DYNC1I1: variants seen among roughly 807,000 people sequenced by gnomAD.
DYNC1I1 encodes dynein cytoplasmic 1 intermediate chain 1.
DYNC1I1 carries 43 observed loss-of-function variants against 86.6 expected under a neutral mutation model. That is an observed-to-expected ratio of 0.50 (90% CI 0.39 to 0.64). The LOEUF (loss-of-function observed/expected upper bound fraction) is 0.64, where lower values mean the gene tolerates loss of function less well. Ranked by LOEUF, DYNC1I1 falls within the 30% of genes least tolerant of loss-of-function variation. The pLI is 0.00. For synonymous variants in DYNC1I1, 262 were observed against 283.7 expected (o/e 0.92, Z 0.77); for missense variants, 604 against 788.8 (o/e 0.77, Z 2.81).
At chr7:95,937,432 C>T (rs1355878480) in intron 6 of DYNC1I1, among the ~76,000 whole-genome samples, 3 of 151,270 alleles carry the variant, frequency 2.0e-5, no homozygotes, top group Non-Finnish European at 2.9e-5. Context: ...CATTGTATAC[C>T]TCAAATATGT....
chr7:95,958,497 G>C (rs750280119), intron 6 of DYNC1I1, among the ~76,000 whole-genome samples: 1 of 152,000 alleles, frequency 6.6e-6, no homozygotes, highest in African/African-American at 2.4e-5. Flanking sequence ...GGAGATCAAG[G>C]CTGCAGTGAG....
intron 9 of DYNC1I1, among the ~76,000 whole-genome samples, chr7:95,991,052 A>C (rs940603739): frequency 1.3e-5 from 2 of 151,974 alleles, no homozygotes; most frequent in Non-Finnish European, 2.9e-5. Context: ...AATAAAATAA[A>C]ATAAAATAAA....
chr7:95,956,973 T>G (rs1057107862), intron 6 of DYNC1I1, among the ~76,000 whole-genome samples: 2 of 152,236 alleles, frequency 1.3e-5, no homozygotes, highest in East Asian at 3.8e-4. Flanking sequence ...ATCATTATTT[T>G]GCTTCATCTG....
chr7:96,028,827 G>T (rs1237819860), intron 11 of DYNC1I1, among the ~76,000 whole-genome samples: 2 of 152,074 alleles, frequency 1.3e-5, no homozygotes, highest in Non-Finnish European at 2.9e-5. Context: ...TAATCCCTGG[G>T]GTTAAAAGTC....
At chr7:95,946,811 A>C (rs1166783671) in intron 6 of DYNC1I1, among the ~76,000 whole-genome samples, 1 of 152,180 alleles carries the variant, frequency 6.6e-6, no homozygotes, top group Non-Finnish European at 1.5e-5. Flanking sequence ...TGACAGGGGA[A>C]GAAATGCAAT....
rs780966201 is a variant in DYNC1I1 at position 96,076,160 on chromosome 7, G to C, written c.1613G>C (p.Gly538Ala). The change falls in exon 15 of 17, where the codon GGG (glycine) becomes GCG (alanine). Residue 538 changes from glycine (G) to alanine (A), a missense_variant. By Grantham distance (60) the Gly-to-Ala change is moderately conservative (BLOSUM62 0). Transcript: ENST00000447467. Reference sequence around the variant, plus strand: ...CTTTTTGCCTGCGTGGACGGGATGGGGCGCTTGGACCTCTGGAACCTCAAC... The same window carrying C: ...CTTTTTGCCTGCGTGGACGGGATGGCGCGCTTGGACCTCTGGAACCTCAAC... ...PALFACVDGM[G>A]RLDLWNLNND... The C allele has an allele frequency of 2.8e-5, 45 of 1,614,028 alleles. No homozygotes were observed. Among genetic ancestry groups the C allele is most frequent in the Middle Eastern group, 1.6e-4 (1 of 6,084 alleles).
chr7:95,878,626 A>G (rs1790370346), intron 6 of DYNC1I1, among the ~76,000 whole-genome samples: 1 of 152,210 alleles, frequency 6.6e-6, no homozygotes, highest in South Asian at 2.1e-4. Flanking sequence ...TGTAACAGGA[A>G]TGCCAGAAGG....
chr7:95,832,075 G>A (rs568375108), intron 5 of DYNC1I1, among the ~76,000 whole-genome samples: 1,806 of 146,550 alleles, frequency 0.012, 21 homozygotes, highest in Non-Finnish European at 0.014. Flanking sequence ...CCACTAACTC[G>A]TCATATAGCA....
intron 7 of DYNC1I1, among the ~76,000 whole-genome samples, chr7:95,979,719 G>A (rs928230373): frequency 4.6e-5 from 7 of 152,154 alleles, no homozygotes; most frequent in East Asian, 1.9e-4. Context: ...AAGTTCAATC[G>A]TTGTCAAGTT....
chr7:95,983,477 G>A (rs578081843), intron 7 of DYNC1I1, among the ~76,000 whole-genome samples: 5 of 152,100 alleles, frequency 3.3e-5, no homozygotes, highest in South Asian at 4.2e-4. Flanking sequence ...AGAGATTCTC[G>A]TGTTTCTCCA....
At chr7:95,961,361 G>A (rs1235456284) in intron 6 of DYNC1I1, among the ~76,000 whole-genome samples, 5 of 152,026 alleles carry the variant, frequency 3.3e-5, no homozygotes, top group African/African-American at 4.8e-5. Context: ...ACTAACCAAG[G>A]TAATTAAGAA....
At chr7:95,905,573 C>T (rs1466730382) in intron 6 of DYNC1I1, among the ~76,000 whole-genome samples, 2 of 152,144 alleles carry the variant, frequency 1.3e-5, no homozygotes, top group African/African-American at 4.8e-5. Context: ...CTCAAACTCA[C>T]GTGGGGTCCC....
At chr7:96,100,685 A>G (rs1791122197), downstream of DYNC1I1, among the ~76,000 whole-genome samples, 1 of 71,384 alleles carries the variant, frequency 1.4e-5, no homozygotes, top group Non-Finnish European at 2.8e-5. Flanking sequence ...TGTGTGTGGT[A>G]AGGAAGAGGG....
intron 10 of DYNC1I1, among the ~76,000 whole-genome samples, chr7:95,997,041 A>G (rs1793884232): frequency 6.6e-6 from 1 of 152,200 alleles, no homozygotes; most frequent in Admixed American, 6.5e-5. Flanking sequence ...AATTTGGGGA[A>G]TAGGAGCTGC....
chr7:95,855,414 G>T (rs1396684168), intron 5 of DYNC1I1, among the ~76,000 whole-genome samples: 1 of 152,078 alleles, frequency 6.6e-6, no homozygotes, highest in Non-Finnish European at 1.5e-5. Flanking sequence ...AGATTACTTT[G>T]GGTAGCTTTG....
At chr7:96,095,245 G>GT (rs1257649184) in intron 16 of DYNC1I1, among the ~76,000 whole-genome samples, 1 of 152,126 alleles carries the variant, frequency 6.6e-6, no homozygotes, top group Non-Finnish European at 1.5e-5. Flanking sequence ...GTTCTAAACT[G>GT]TGTGTAGACA....
intron 9 of DYNC1I1, among the ~76,000 whole-genome samples, chr7:95,991,895 C>G (rs1221363793): frequency 6.6e-6 from 1 of 152,180 alleles, no homozygotes; most frequent in Non-Finnish European, 1.5e-5. Flanking sequence ...GAGTCTCACT[C>G]TGTCACCCTA....
chr7:95,827,763 A>G (rs1795233064), intron 4 of DYNC1I1, among the ~76,000 whole-genome samples: 1 of 152,182 alleles, frequency 6.6e-6, no homozygotes, highest in East Asian at 1.9e-4. Context: ...TGAGGCTTCA[A>G]TACAAAACAA....
intron 6 of DYNC1I1, among the ~76,000 whole-genome samples, chr7:95,954,199 A>G (rs940805696): frequency 2.6e-5 from 4 of 151,596 alleles, no homozygotes; most frequent in African/African-American, 4.8e-5. Flanking sequence ...AATACTTCCC[A>G]TGTCACCTGG....
Sources: gnomAD v4.1 joint callset for allele counts (sites outside exome capture counted in the v4.1 genomes callset) on GRCh38, gnomAD v4.1.1 for gene constraint, MANE v1.5 for transcripts, NCBI Gene and HGNC (gene_info 2026-07-23, HGNC 2026-07-21) for gene names.